Variants in LCLAT1 observed in about 807,000 individuals in gnomAD.
The protein encoded by LCLAT1 is lysocardiolipin acyltransferase 1, also known as 1-AGP acyltransferase 8.
Under a neutral mutation model 30.7 loss-of-function variants are expected in LCLAT1, and 11 were observed. That is an observed-to-expected ratio of 0.36 (90% confidence interval 0.23 to 0.59). The LOEUF (loss-of-function observed/expected upper bound fraction) is 0.59, where lower values mean the gene tolerates loss of function less well. Ranked by LOEUF, LCLAT1 falls within the 20% of genes least tolerant of loss-of-function variation. The probability of loss-of-function intolerance (pLI) is 0.77; values close to 1 mark genes in which losing one functional copy is unlikely to be tolerated. For synonymous variants in LCLAT1, 155 were observed against 151.3 expected, an observed-to-expected ratio of 1.02 and a Z score of -0.18; for missense variants, 402 against 458.6, an observed-to-expected ratio of 0.88 and a Z score of 1.13.
chr2:30,465,884 A>G (rs967286056), intron 1 of LCLAT1, among the ~76,000 whole-genome samples: 3 of 152,214 alleles, frequency 2.0e-5, no homozygotes, highest in African/African-American at 7.2e-5. Flanking sequence ...AAGAATTTCA[A>G]GTCCATTGCA....
chr2:30,602,290 A>C (rs1444759978), intron 5 of LCLAT1, among the ~76,000 whole-genome samples: 1 of 152,228 alleles, frequency 6.6e-6, no homozygotes, highest in Non-Finnish European at 1.5e-5. Context: ...ATCTTACTAG[A>C]TCTTTCCAGC....
At chr2:30,560,356 C>T (rs1268695626) in intron 3 of LCLAT1, among the ~76,000 whole-genome samples, 1 of 151,188 alleles carries the variant, frequency 6.6e-6, no homozygotes. Context: ...CGGAGTCTTG[C>T]TCCATTGCCC....
chr2:30,461,021 T>C (rs1260931153), intron 1 of LCLAT1, among the ~76,000 whole-genome samples: 1 of 152,180 alleles, frequency 6.6e-6, no homozygotes, highest in Admixed American at 6.5e-5. Flanking sequence ...TGTTCCTGAG[T>C]TGTAGCCTTT....
intron 1 of LCLAT1, among the ~76,000 whole-genome samples, chr2:30,508,204 GA>G (rs1223383038): frequency 1.3e-5 from 2 of 151,980 alleles, no homozygotes; most frequent in Non-Finnish European, 2.9e-5. Context: ...TGCATAGTTT[GA>G]AAAAATTTTT....
chr2:30,581,258 A>G (rs1038754469), intron 5 of LCLAT1, among the ~76,000 whole-genome samples: 8 of 152,126 alleles, frequency 5.3e-5, no homozygotes, highest in African/African-American at 1.9e-4. Context: ...CACCACCTGC[A>G]GTACTCCCAT....
At chr2:30,480,017 A>G (rs1683246303) in intron 1 of LCLAT1, among the ~76,000 whole-genome samples, 1 of 152,218 alleles carries the variant, frequency 6.6e-6, no homozygotes, top group Non-Finnish European at 1.5e-5. Context: ...TTTATACTGT[A>G]TCTCATTACA....
intron 1 of LCLAT1, among the ~76,000 whole-genome samples, chr2:30,453,982 A>G (rs1192840010): frequency 6.6e-6 from 1 of 152,234 alleles, no homozygotes; most frequent in Non-Finnish European, 1.5e-5. Context: ...GAACCTACGC[A>G]GTCTAGTTTC....
At chr2:30,486,708 G>A (rs1683574560) in intron 1 of LCLAT1, among the ~76,000 whole-genome samples, 3 of 152,144 alleles carry the variant, frequency 2.0e-5, no homozygotes, top group Admixed American at 2.0e-4. Flanking sequence ...TGGAATGTGA[G>A]TGGAAAATGA....
chr2:30,525,205 C>T (rs953169786), intron 1 of LCLAT1, among the ~76,000 whole-genome samples: 2 of 151,988 alleles, frequency 1.3e-5, no homozygotes, highest in East Asian at 1.9e-4. Flanking sequence ...CAGCCTCCCA[C>T]GTAGCTGGGA....
At chr2:30,612,974 A>T (rs374957257) in intron 5 of LCLAT1, among the ~76,000 whole-genome samples, 1 of 152,176 alleles carries the variant, frequency 6.6e-6, no homozygotes, top group South Asian at 2.1e-4. Flanking sequence ...GCTTACAGAG[A>T]AAATAAATCA....
chr2:30,470,109 G>A (rs1009377432), intron 1 of LCLAT1, among the ~76,000 whole-genome samples: 11 of 152,070 alleles, frequency 7.2e-5, no homozygotes, highest in East Asian at 1.9e-4. Flanking sequence ...AGTCAGTTTC[G>A]GGTGGGGGTT....
intron 1 of LCLAT1, chr2:30,476,611 A>G (rs951723307): frequency 1.2e-4 from 51 of 439,302 alleles, no homozygotes; most frequent in African/African-American, 1.0e-3. Context: ...ACAAGCTCAG[A>G]ACGCTCGCCG....
At chr2:30,472,701 C>G (rs1257218806) in intron 1 of LCLAT1, among the ~76,000 whole-genome samples, 2 of 151,988 alleles carry the variant, frequency 1.3e-5, no homozygotes, top group Non-Finnish European at 2.9e-5. Flanking sequence ...CATTTTTTTG[C>G]AGGGAGTCAG....
intron 1 of LCLAT1, among the ~76,000 whole-genome samples, chr2:30,486,566 C>T (rs1373010682): frequency 6.6e-6 from 1 of 152,136 alleles, no homozygotes; most frequent in Non-Finnish European, 1.5e-5. Context: ...TGGTTCCCTC[C>T]TTCCCAGTTA....
At chr2:30,638,130 G>A (rs1304504325) in intron 5 of LCLAT1, among the ~76,000 whole-genome samples, 1 of 152,176 alleles carries the variant, frequency 6.6e-6, no homozygotes, top group Non-Finnish European at 1.5e-5. Flanking sequence ...TTGAAGCCTG[G>A]TTCTTACCCT....
chr2:30,502,250 G>A (rs1684437444), intron 1 of LCLAT1, among the ~76,000 whole-genome samples: 1 of 152,068 alleles, frequency 6.6e-6, no homozygotes, highest in African/African-American at 2.4e-5. Context: ...TAATTTGTAA[G>A]GTGATAGGTA....
At chr2:30,625,608 A>G (rs1157600581) in intron 5 of LCLAT1, among the ~76,000 whole-genome samples, 14 of 152,256 alleles carry the variant, frequency 9.2e-5, no homozygotes, top group Non-Finnish European at 4.4e-5. Context: ...TCACACAGAA[A>G]GATGGTAGGG....
At chr2:30,592,496 G>A (rs947833650) in intron 5 of LCLAT1, among the ~76,000 whole-genome samples, 5 of 152,034 alleles carry the variant, frequency 3.3e-5, no homozygotes, top group African/African-American at 1.2e-4. Flanking sequence ...GAAAAAAAGA[G>A]ATATATTAAT....
chr2:30,556,015 C>T (rs1012438007), intron 3 of LCLAT1, among the ~76,000 whole-genome samples: 1 of 151,920 alleles, frequency 6.6e-6, no homozygotes, highest in African/African-American at 2.4e-5. Flanking sequence ...AGGATGGTCT[C>T]AATCTCCTGA....
Sources: allele counts gnomAD v4.1 joint callset (sites outside exome capture counted in the v4.1 genomes callset), GRCh38; gene constraint gnomAD v4.1.1; transcripts MANE v1.5; gene names NCBI Gene and HGNC (gene_info 2026-07-23, HGNC 2026-07-21).